The following TPTE variants were observed in gnomAD, a reference collection of about 807,000 sequenced individuals.
The protein encoded by TPTE is putative tyrosine-protein phosphatase TPTE.
In TPTE, 59 loss-of-function variants were observed where a neutral mutation model predicts 84.1. That is an observed-to-expected ratio of 0.70 (90% CI 0.57 to 0.87). TPTE has a LOEUF of 0.87. Ranked by LOEUF, TPTE falls within the 40% of genes least tolerant of loss-of-function variation. TPTE has a pLI of 0.00. For synonymous variants in TPTE, 130 were observed against 223.5 expected (o/e 0.58, Z 3.73); for missense variants, 382 against 659.6 (o/e 0.58, Z 4.61).
In TPTE at chr21:10,542,440, G is replaced by C. The variant is rs468525; in HGVS notation, c.111G>C (p.Ala37=). The part of the protein sequence containing the change: ...EFKGATEEAP[A]KESPHTSEFK... ...AAGGAGCAACCGAGGAGGCACCTGC[G>C]AAAGAAAGGTGAGCAATAAATAGTT... The change falls in exon 6 of 24, where the codon GCG becomes GCC. Residue 37 remains alanine, a synonymous_variant. Coordinates refer to ENST00000618007, the MANE Select transcript of TPTE (RefSeq NM_199261.4). 14 of 1,600,450 alleles carry C rather than the reference G, an allele frequency of 8.7e-6. No homozygotes were observed. The highest frequency in any genetic ancestry group is 1.1e-5 in the Non-Finnish European group (13 of 1,171,410).
intron 3 of TPTE, among the ~76,000 whole-genome samples, chr21:10,536,764 G>T (rs560959723): frequency 1.3e-5 from 2 of 152,306 alleles, no homozygotes; most frequent in African/African-American, 2.4e-5. Flanking sequence ...AAGGAACAGG[G>T]CAAAAAAGGG....
chr21:10,530,851 A>G (rs918368125), intron 3 of TPTE, among the ~76,000 whole-genome samples: 1 of 152,310 alleles, frequency 6.6e-6, no homozygotes, highest in East Asian at 1.9e-4. Flanking sequence ...TTATATAATC[A>G]GTCTAATAGA....
intron 3 of TPTE, among the ~76,000 whole-genome samples, chr21:10,531,948 A>C (rs149296495): frequency 9.0e-4 from 137 of 152,354 alleles, no homozygotes; most frequent in Non-Finnish European, 1.6e-3. Flanking sequence ...TTATGTAATC[A>C]TTGTCAATGA....
chr21:10,599,196 C>G (rs167331), intron 21 of TPTE, among the ~76,000 whole-genome samples: 25,499 of 132,958 alleles, frequency 0.19, 19 homozygotes, highest in African/African-American at 0.46. Flanking sequence ...TTTGCCTCGG[C>G]CCCCTAAATC....
chr21:10,592,764 C>G (rs1213693765), intron 19 of TPTE, among the ~76,000 whole-genome samples: 5 of 152,260 alleles, frequency 3.3e-5, no homozygotes, highest in African/African-American at 1.2e-4. Flanking sequence ...GACAATTCAA[C>G]CCTTGCAGAA....
chr21:10,582,034 G>A (rs1328977935), intron 17 of TPTE, among the ~76,000 whole-genome samples: 1 of 152,308 alleles, frequency 6.6e-6, no homozygotes, highest in Non-Finnish European at 1.5e-5. Flanking sequence ...CATGCCTGGA[G>A]AGAAGTTTGT....
At chr21:10,568,468 C>T (rs551792208) in intron 11 of TPTE, among the ~76,000 whole-genome samples, 1 of 150,682 alleles carries the variant, frequency 6.6e-6, no homozygotes, top group South Asian at 2.1e-4. Context: ...CCTGGTGACT[C>T]TTTTTTTACT....
intron 10 of TPTE, among the ~76,000 whole-genome samples, chr21:10,562,294 C>T (rs2074823486): frequency 6.6e-6 from 1 of 151,774 alleles, no homozygotes; most frequent in African/African-American, 2.4e-5. Context: ...ACAGTGAAAA[C>T]TACAATAAAT....
At position 10,605,427 on chromosome 21, in the gene TPTE, C is replaced by T. The variant is rs1419182732; in HGVS notation, c.1531C>T (p.Pro511Ser). 6.2e-7 allele frequency: 1 copy of T among 1,613,814 alleles called. No individual in the cohort carries two copies. The change falls in exon 24 of 24, where the codon CCA becomes TCA. Residue 511 changes from proline (P) to serine (S), a missense_variant. Transcript: ENST00000618007. ...TTTTTCTATTCTTAGGCTTTATCTACCAAAAAATGAATTGGATAATCTACA... is the reference window on the plus strand; with the variant it reads ...TTTTTCTATTCTTAGGCTTTATCTATCAAAAAATGAATTGGATAATCTACA... The part of the protein sequence containing the change: ...SFIENNRLYL[P>S]KNELDNLHKQ...
At chr21:10,534,976 A>T (rs2145597376) in intron 3 of TPTE, among the ~76,000 whole-genome samples, 1 of 152,422 alleles carries the variant, frequency 6.6e-6, no homozygotes, top group Non-Finnish European at 1.5e-5. Context: ...ACAAAAATTA[A>T]TGATCTCATA....
chr21:10,555,907 C>T (rs2074673527), intron 8 of TPTE, among the ~76,000 whole-genome samples: 1 of 152,312 alleles, frequency 6.6e-6, no homozygotes, highest in East Asian at 1.9e-4. Flanking sequence ...TGCAACCTGC[C>T]TTTACTTCTA....
intron 10 of TPTE, among the ~76,000 whole-genome samples, chr21:10,565,871 G>T (rs2074910285): frequency 6.6e-6 from 1 of 152,422 alleles, no homozygotes; most frequent in South Asian, 2.1e-4. Context: ...ATGAATTAAA[G>T]ACTTAAATCT....
At chr21:10,549,780 T>C (rs1427106781) in intron 7 of TPTE, among the ~76,000 whole-genome samples, 1 of 152,306 alleles carries the variant, frequency 6.6e-6, no homozygotes, top group African/African-American at 2.4e-5. Flanking sequence ...TTTAATAAAA[T>C]AGCGTAAAAC....
chr21:10,594,231 C>A (rs1189312769), intron 19 of TPTE, among the ~76,000 whole-genome samples: 2 of 152,312 alleles, frequency 1.3e-5, no homozygotes, highest in Non-Finnish European at 2.9e-5. Flanking sequence ...ACACTTGATA[C>A]CCTCATGCCA....
At chr21:10,604,049 T>C (rs1366116781) in intron 23 of TPTE, among the ~76,000 whole-genome samples, 1 of 152,308 alleles carries the variant, frequency 6.6e-6, no homozygotes, top group Non-Finnish European at 1.5e-5. Context: ...AGGCTTCAGC[T>C]AGCTGAAAAG....
chr21:10,543,831 A>T (rs1306985973), intron 7 of TPTE, among the ~76,000 whole-genome samples: 1 of 152,310 alleles, frequency 6.6e-6, no homozygotes, highest in African/African-American at 2.4e-5. Context: ...TATTTGCAAC[A>T]TGGAGGAGAT....
rs1450604083 is a variant in TPTE at position 10,591,892 on chromosome 21, G to T, written c.1090-401G>T. The stretch of plus-strand genomic sequence containing the variant: ...CAAAGATCACTGCGGCCGGGCACGG[G>T]TGGCTCACGCCTGTAATCCCAGCAC... On this transcript the variant is annotated intron_variant, in intron 18 of 23. Coordinates refer to ENST00000618007, the MANE Select transcript of TPTE (RefSeq NM_199261.4). Among the ~76,000 whole-genome samples the T allele has an allele frequency of 5.2e-5, 8 of 152,408 alleles. No homozygotes were observed. The East Asian group carries it at 1.5e-3, about 29-fold the overall frequency.
chr21:10,587,841 C>T (rs1364087091), intron 17 of TPTE, among the ~76,000 whole-genome samples: 33 of 152,354 alleles, frequency 2.2e-4, no homozygotes, highest in African/African-American at 5.8e-4. Flanking sequence ...TGAGCCACCG[C>T]GCCCAGCCTA....
intron 21 of TPTE, among the ~76,000 whole-genome samples, chr21:10,600,808 C>T (rs189867622): frequency 2.6e-5 from 4 of 152,422 alleles, no homozygotes; most frequent in East Asian, 3.9e-4. Flanking sequence ...ACTAGTACAG[C>T]GTCAAAGTCA....
Sources: allele counts gnomAD v4.1 joint callset (sites outside exome capture counted in the v4.1 genomes callset), GRCh38; gene constraint gnomAD v4.1.1; transcripts MANE v1.5; gene names NCBI Gene and HGNC (gene_info 2026-07-23, HGNC 2026-07-21).